The following ADAM12 variants were observed in gnomAD, a reference collection of about 807,000 sequenced individuals.
ADAM12 encodes the protein disintegrin and metalloproteinase domain-containing protein 12.
Under a neutral mutation model 106.4 loss-of-function variants are expected in ADAM12, and 70 were observed. The observed-to-expected ratio is 0.66, with a 90% CI of 0.54 to 0.80. The LOEUF is 0.80. Among genes scored for constraint, ADAM12 ranks in the 30% least tolerant of loss-of-function variants. ADAM12 has a pLI of 0.00. For missense variants in ADAM12, 1,010 were observed against 1,171.9 expected, an observed-to-expected ratio of 0.86 and a Z score of 2.02; for synonymous variants, 420 against 433.5, an observed-to-expected ratio of 0.97 and a Z score of 0.39.
At chr10:126,076,933 C>T (rs545543489) in intron 11 of ADAM12, among the ~76,000 whole-genome samples, 49 of 152,242 alleles carry the variant, frequency 3.2e-4, no homozygotes, top group African/African-American at 1.2e-3. Flanking sequence ...AAATAAAAGG[C>T]ATCCAAATAG....
At chr10:126,021,366 C>A (rs6597731) in intron 21 of ADAM12, among the ~76,000 whole-genome samples, 96,093 of 152,106 alleles carry the variant, frequency 0.63, 31,043 homozygotes, top group East Asian at 0.76. Flanking sequence ...AATTACATTT[C>A]TTTAGCAGTT....
chr10:126,085,447 G>A (rs1452761893), intron 11 of ADAM12, among the ~76,000 whole-genome samples: 2 of 152,116 alleles, frequency 1.3e-5, no homozygotes, highest in Non-Finnish European at 2.9e-5. Context: ...TAATTGTGCT[G>A]TACTCATCAT....
chr10:126,363,953 C>A (rs1372704028), intron 1 of ADAM12, among the ~76,000 whole-genome samples: 5 of 152,038 alleles, frequency 3.3e-5, no homozygotes, highest in Non-Finnish European at 7.4e-5. Context: ...ATATGATACA[C>A]CTTGACAGAG....
At chr10:126,262,270 T>C (rs1959017041) in intron 3 of ADAM12, among the ~76,000 whole-genome samples, 1 of 152,184 alleles carries the variant, frequency 6.6e-6, no homozygotes, top group South Asian at 2.1e-4. Context: ...CTACTTTTTA[T>C]ATAGTATTTG....
chr10:126,352,550 C>G (rs1855398457), intron 1 of ADAM12, among the ~76,000 whole-genome samples: 1 of 152,200 alleles, frequency 6.6e-6, no homozygotes, highest in African/African-American at 2.4e-5. Flanking sequence ...AAACTTGGTA[C>G]TATATGAACT....
At chr10:126,134,718 C>T (rs1033061719) in intron 5 of ADAM12, among the ~76,000 whole-genome samples, 2 of 152,122 alleles carry the variant, frequency 1.3e-5, no homozygotes, top group Non-Finnish European at 2.9e-5. Context: ...CCTCCATGAT[C>T]CCACACAGAA....
intron 2 of ADAM12, among the ~76,000 whole-genome samples, chr10:126,319,273 C>A (rs1373435368): frequency 1.3e-5 from 2 of 152,182 alleles, no homozygotes; most frequent in Non-Finnish European, 2.9e-5. Flanking sequence ...ACAGTGACCT[C>A]CTTCCAGGCA....
At chr10:126,274,547 A>T (rs1959203664) in intron 3 of ADAM12, among the ~76,000 whole-genome samples, 1 of 152,190 alleles carries the variant, frequency 6.6e-6, no homozygotes, top group Non-Finnish European at 1.5e-5. Flanking sequence ...TGGCCCATTG[A>T]TCCGAACTGC....
At chr10:126,217,194 T>C (rs1306605885) in intron 3 of ADAM12, among the ~76,000 whole-genome samples, 2 of 152,218 alleles carry the variant, frequency 1.3e-5, no homozygotes, top group Non-Finnish European at 2.9e-5. Flanking sequence ...AGTTACCTAA[T>C]GAATGTCCTA....
At chr10:126,291,877 T>A (rs1440072462) in intron 2 of ADAM12, among the ~76,000 whole-genome samples, 1 of 152,174 alleles carries the variant, frequency 6.6e-6, no homozygotes, top group Non-Finnish European at 1.5e-5. Flanking sequence ...TTGCAGGGCT[T>A]TGCAACCTTT....
intron 18 of ADAM12, chr10:126,042,212 A>G: frequency 6.2e-7 from 1 of 1,613,612 alleles, no homozygotes; most frequent in Non-Finnish European, 8.5e-7. Context: ...TCCCTGTTGG[A>G]CTCTGCAGCT....
intron 3 of ADAM12, among the ~76,000 whole-genome samples, chr10:126,195,830 ATC>A (rs71875382): frequency 0.062 from 9,482 of 152,254 alleles, 418 homozygotes; most frequent in African/African-American, 0.12. Flanking sequence ...GGGAACTGAT[ATC>A]TAAAAGACAG....
Position 126,073,061 on chromosome 10 carries a change from C to T in ADAM12, c.1146-1407G>A, listed in dbSNP as rs116214660. Among the ~76,000 whole-genome samples the T allele has an allele frequency of 8.1e-3, 1,233 of 152,268 alleles. 11 individuals carry two copies. Among genetic ancestry groups the T allele is most frequent in the African/African-American group, 0.028 (1,184 of 41,550 alleles). On this transcript the variant is annotated intron_variant, in intron 11 of 22. Transcript: ENST00000448723. The stretch of plus-strand genomic sequence containing the variant: ...TTCTTCCCCAAGTATATAAGGCATA[C>T]TATTAGGCACAGATTTTTAATGACC...
chr10:126,311,134 C>CACAG (rs1961077072), intron 2 of ADAM12, among the ~76,000 whole-genome samples: 1 of 150,088 alleles, frequency 6.7e-6, no homozygotes, highest in East Asian at 2.0e-4. Flanking sequence ...CACACACACA[C>CACAG]ACACCTGCAC....
intron 10 of ADAM12, among the ~76,000 whole-genome samples, chr10:126,095,521 G>A (rs1325415931): frequency 9.0e-6 from 1 of 110,660 alleles, no homozygotes; most frequent in Non-Finnish European, 1.7e-5. Flanking sequence ...GTGACAGAGC[G>A]AGACTCTGTC....
intron 18 of ADAM12, among the ~76,000 whole-genome samples, chr10:126,042,590 T>C (rs1954205203): frequency 6.6e-6 from 1 of 152,196 alleles, no homozygotes; most frequent in African/African-American, 2.4e-5. Context: ...GCAAAAGCTG[T>C]TGCAATGACT....
At position 126,388,314 on chromosome 10, in the gene ADAM12, C is replaced by T. The variant is rs977434342; in HGVS notation, c.-169G>A. ...CCGCGCCGCCGCTGAGCTCTTCTAG[C>T]CTTTCATTTTTAAAAAAGTTTCCCC... On this transcript the variant is annotated 5_prime_UTR_variant, in exon 1 of 23. Transcript: ENST00000448723. The surrounding 1 kb of genome is among the most constrained non-coding windows in gnomAD (Gnocchi z 4.4). 2 of 1,047,042 alleles carry T rather than the reference C, an allele frequency of 1.9e-6. No homozygotes were observed. Among genetic ancestry groups the T allele is most frequent in the Admixed American group, 9.2e-5 (2 of 21,714 alleles). 64.9% of individuals were successfully genotyped at this position (1,047,042 alleles called of 1,614,324 possible).
At chr10:126,242,832 C>A (rs975138911) in intron 3 of ADAM12, among the ~76,000 whole-genome samples, 9 of 152,088 alleles carry the variant, frequency 5.9e-5, no homozygotes, top group African/African-American at 2.2e-4. Flanking sequence ...TGAGACAGAG[C>A]TCTTGCTGGC....
rs74821649 is a variant in ADAM12 at position 126,106,119 on chromosome 10, T to A, written c.741+2474A>T. On this transcript the variant is annotated intron_variant, in intron 8 of 22. Transcript: ENST00000448723. Reference sequence around the variant, plus strand: ...CCCTCCACTCCAACGAAACTGGCGGTCATGTGGTCTCCCACTCGCCCTCAG... The same window carrying A: ...CCCTCCACTCCAACGAAACTGGCGGACATGTGGTCTCCCACTCGCCCTCAG... Among the ~76,000 whole-genome samples the A allele has an allele frequency of 1.1e-4, 16 of 152,102 alleles. No individual in the cohort carries two copies. The South Asian group carries it at 3.3e-3, about 32-fold the overall frequency.
Sources: gnomAD v4.1 joint callset for allele counts (sites outside exome capture counted in the v4.1 genomes callset) on GRCh38, gnomAD v4.1.1 for gene constraint, Gnocchi (gnomAD v3.1) non-coding constraint, MANE v1.5 for transcripts, NCBI Gene and HGNC (gene_info 2026-07-23, HGNC 2026-07-21) for gene names.